KCNIP4: variants seen among roughly 807,000 people sequenced by gnomAD.
The protein encoded by KCNIP4 is Kv channel-interacting protein 4.
A neutral mutation model predicts 34.0 loss-of-function variants in KCNIP4; 12 were observed. That is an observed-to-expected ratio of 0.35 (90% CI 0.23 to 0.57). The LOEUF (loss-of-function observed/expected upper bound fraction) is 0.57. Ranked by LOEUF, KCNIP4 falls within the 20% of genes least tolerant of loss-of-function variation. The pLI, the probability that KCNIP4 is intolerant of heterozygous loss-of-function variation, is 0.83. For missense variants in KCNIP4, 238 were observed against 311.7 expected (o/e 0.76, Z 1.78); for synonymous variants, 124 against 102.2 (o/e 1.21, Z -1.29).
chr4:21,936,049 T>C (rs1413542392), intron 1 of KCNIP4, among the ~76,000 whole-genome samples: 1 of 151,652 alleles, frequency 6.6e-6, no homozygotes, highest in Non-Finnish European at 1.5e-5. Context: ...ATAGCATATA[T>C]CGTATGTCTA....
At chr4:21,536,182 G>C (rs748892860) in intron 1 of KCNIP4, among the ~76,000 whole-genome samples, 2 of 152,058 alleles carry the variant, frequency 1.3e-5, no homozygotes, top group Non-Finnish European at 2.9e-5. Context: ...AGAAAACCAG[G>C]CCAACAGAGC....
intron 1 of KCNIP4, among the ~76,000 whole-genome samples, chr4:21,691,118 A>C (rs1352794497): frequency 6.6e-6 from 1 of 152,224 alleles, no homozygotes; most frequent in African/African-American, 2.4e-5. Flanking sequence ...CAGTGGTAAT[A>C]CCAGTGGTGA....
At chr4:21,051,422 T>TA (rs1476128462) in intron 1 of KCNIP4, among the ~76,000 whole-genome samples, 4 of 152,194 alleles carry the variant, frequency 2.6e-5, no homozygotes, top group Non-Finnish European at 5.9e-5. Context: ...GTTTGTTTAA[T>TA]AAAAAGCAGT....
chr4:21,947,372 G>T (rs1360274248), intron 1 of KCNIP4, among the ~76,000 whole-genome samples: 1 of 152,224 alleles, frequency 6.6e-6, no homozygotes, highest in Non-Finnish European at 1.5e-5. Flanking sequence ...AGTCAAATGT[G>T]GGGCTTTACA....
chr4:21,326,173 T>C (rs1715015473), intron 1 of KCNIP4, among the ~76,000 whole-genome samples: 1 of 151,816 alleles, frequency 6.6e-6, no homozygotes, highest in South Asian at 2.1e-4. Flanking sequence ...ATCAGTTCAA[T>C]GTTAAAAGTG....
At chr4:20,914,435 A>G (rs1436047215) in intron 1 of KCNIP4, among the ~76,000 whole-genome samples, 1 of 152,156 alleles carries the variant, frequency 6.6e-6, no homozygotes, top group Non-Finnish European at 1.5e-5. Context: ...GCATGTGAAA[A>G]TGCATCAAGA....
chr4:21,475,789 T>C (rs1730900295), intron 1 of KCNIP4, among the ~76,000 whole-genome samples: 1 of 152,204 alleles, frequency 6.6e-6, no homozygotes, highest in South Asian at 2.1e-4. Context: ...CTTCTGATTT[T>C]GACATATAAA....
At chr4:21,911,495 G>T (rs1728308846) in intron 1 of KCNIP4, among the ~76,000 whole-genome samples, 1 of 141,994 alleles carries the variant, frequency 7.0e-6, no homozygotes, top group South Asian at 2.3e-4. Flanking sequence ...CTCCAATCCT[G>T]AGAGGCGCTT....
chr4:21,095,722 A>G (rs1022253676), intron 1 of KCNIP4, among the ~76,000 whole-genome samples: 3 of 152,140 alleles, frequency 2.0e-5, no homozygotes, highest in Non-Finnish European at 4.4e-5. Flanking sequence ...CTTCTCCCAA[A>G]CATATGTGAC....
At chr4:20,788,161 T>C (rs1188457698) in intron 3 of KCNIP4, among the ~76,000 whole-genome samples, 2 of 152,140 alleles carry the variant, frequency 1.3e-5, no homozygotes, top group East Asian at 1.9e-4. Context: ...ATTTAGCATA[T>C]GCCTAACAAA....
intron 1 of KCNIP4, among the ~76,000 whole-genome samples, chr4:21,602,981 T>C (rs1490730720): frequency 6.6e-6 from 1 of 152,208 alleles, no homozygotes; most frequent in African/African-American, 2.4e-5. Context: ...AGTATTTGCT[T>C]GCATCTACAT....
At chr4:21,361,347 C>T (rs1013969930) in intron 1 of KCNIP4, among the ~76,000 whole-genome samples, 42 of 152,126 alleles carry the variant, frequency 2.8e-4, no homozygotes, top group Non-Finnish European at 5.1e-4. Flanking sequence ...CTGCAATTAC[C>T]TCAGGAAATG....
chr4:21,231,374 T>G (rs937549379), intron 1 of KCNIP4, among the ~76,000 whole-genome samples: 19 of 152,314 alleles, frequency 1.2e-4, no homozygotes, highest in Non-Finnish European at 1.9e-4. Context: ...CGCACAAAGT[T>G]GTTCCAGGTT....
At chr4:21,553,214 C>A (rs10938844) in intron 1 of KCNIP4, among the ~76,000 whole-genome samples, 79,881 of 151,776 alleles carry the variant, frequency 0.53, 21,494 homozygotes, top group East Asian at 0.84. Context: ...TTGTTTATTG[C>A]AGAAAGATCA....
At chr4:21,828,577 C>T (rs142103144) in intron 1 of KCNIP4, among the ~76,000 whole-genome samples, 2 of 151,528 alleles carry the variant, frequency 1.3e-5, no homozygotes, top group African/African-American at 4.8e-5. Flanking sequence ...CTAAAAAATG[C>T]CAGACCATAA....
intron 1 of KCNIP4, among the ~76,000 whole-genome samples, chr4:21,766,257 G>C (rs1396069713): frequency 6.6e-6 from 1 of 152,156 alleles, no homozygotes; most frequent in East Asian, 1.9e-4. Flanking sequence ...TAAGAAGGTA[G>C]CACTGCACTT....
intron 1 of KCNIP4, among the ~76,000 whole-genome samples, chr4:20,946,339 G>A (rs1223004453): frequency 2.7e-5 from 4 of 145,920 alleles, no homozygotes; most frequent in African/African-American, 5.1e-5. Flanking sequence ...GAGCTTCCCA[G>A]GCAATGTGAA....
chr4:21,389,535 G>A (rs998318752), intron 1 of KCNIP4, among the ~76,000 whole-genome samples: 1 of 140,078 alleles, frequency 7.1e-6, no homozygotes, highest in South Asian at 2.2e-4. Context: ...TCCCACCTAT[G>A]AGTGAGAACA....
chr4:20,985,012 G>A (rs955543382), intron 1 of KCNIP4, among the ~76,000 whole-genome samples: 2 of 152,160 alleles, frequency 1.3e-5, no homozygotes, highest in Admixed American at 6.5e-5. Context: ...AACAGACCCT[G>A]TTCTGTGCCA....
Sources: gnomAD v4.1 joint callset for allele counts (sites outside exome capture counted in the v4.1 genomes callset) on GRCh38, gnomAD v4.1.1 for gene constraint, MANE v1.5 for transcripts, NCBI Gene and HGNC (gene_info 2026-07-23, HGNC 2026-07-21) for gene names.